KSR2: variants seen among roughly 807,000 people sequenced by gnomAD.
KSR2 encodes kinase suppressor of ras 2.
A neutral mutation model predicts 107.8 loss-of-function variants in KSR2; 25 were observed. The observed-to-expected ratio is 0.23, with a 90% CI of 0.17 to 0.32. KSR2 has a LOEUF of 0.32. Ranked by LOEUF, KSR2 falls within the 10% of genes least tolerant of loss-of-function variation. KSR2 has a pLI of 1.00. For synonymous variants in KSR2, 480 were observed against 507.0 expected (o/e 0.95, Z 0.71); for missense variants, 887 against 1,268.9 (o/e 0.70, Z 4.57).
At chr12:117,935,236 G>C (rs1895805115) in intron 1 of KSR2, among the ~76,000 whole-genome samples, 1 of 151,856 alleles carries the variant, frequency 6.6e-6, no homozygotes, top group Admixed American at 6.6e-5. Flanking sequence ...CCTGGCTCGA[G>C]CAATCCTCCC....
intron 4 of KSR2, among the ~76,000 whole-genome samples, chr12:117,701,879 G>C (rs1886338010): frequency 6.6e-6 from 1 of 152,202 alleles, no homozygotes; most frequent in African/African-American, 2.4e-5. Context: ...GCATGGACCT[G>C]CTAACACCTT....
intron 12 of KSR2, among the ~76,000 whole-genome samples, chr12:117,528,586 A>G (rs1875388209): frequency 6.6e-6 from 1 of 152,194 alleles, no homozygotes; most frequent in African/African-American, 2.4e-5. Context: ...AAAGAAGGAG[A>G]AAGAAAGGTC....
At chr12:117,701,412 T>A (rs1886306937) in intron 4 of KSR2, among the ~76,000 whole-genome samples, 2 of 152,184 alleles carry the variant, frequency 1.3e-5, no homozygotes, top group Non-Finnish European at 2.9e-5. Context: ...TATAAAATCA[T>A]AAATCTGGTC....
intron 5 of KSR2, among the ~76,000 whole-genome samples, chr12:117,647,626 G>A (rs114668175): frequency 0.012 from 1,844 of 152,220 alleles, 45 homozygotes; most frequent in African/African-American, 0.042. Flanking sequence ...AATCATAGCT[G>A]GGAGAACAGG....
chr12:117,947,196 A>AAGG (rs1566094508), intron 1 of KSR2, among the ~76,000 whole-genome samples: 5 of 89,280 alleles, frequency 5.6e-5, no homozygotes, highest in African/African-American at 8.6e-5. Flanking sequence ...GAAAAGAAAG[A>AAGG]AAAGAAAGAA....
intron 1 of KSR2, among the ~76,000 whole-genome samples, chr12:117,912,416 T>A (rs993345295): frequency 6.6e-6 from 1 of 152,186 alleles, no homozygotes; most frequent in Non-Finnish European, 1.5e-5. Context: ...TTAAGACCAT[T>A]TGGAACTATA....
intron 9 of KSR2, among the ~76,000 whole-genome samples, chr12:117,544,658 T>C (rs1592977061): frequency 6.6e-6 from 1 of 152,324 alleles, no homozygotes; most frequent in East Asian, 1.9e-4. Context: ...TTTGTATTGA[T>C]TGTGTATTCT....
chr12:117,490,847 C>T (rs1029079301), intron 14 of KSR2, among the ~76,000 whole-genome samples: 1 of 152,132 alleles, frequency 6.6e-6, no homozygotes, highest in Non-Finnish European at 1.5e-5. Flanking sequence ...TATTGTGTAG[C>T]ACATGATGTT....
chr12:117,863,686 T>C (rs557154159), intron 1 of KSR2, among the ~76,000 whole-genome samples: 1 of 152,268 alleles, frequency 6.6e-6, no homozygotes, highest in Non-Finnish European at 1.5e-5. Context: ...CATACTGATC[T>C]CGCAGTTCTG....
chr12:117,525,877 A>G (rs370168460), intron 13 of KSR2, among the ~76,000 whole-genome samples: 2 of 152,184 alleles, frequency 1.3e-5, no homozygotes, highest in Non-Finnish European at 2.9e-5. Flanking sequence ...GGTAGGAGAC[A>G]TGAGAGTGAG....
At chr12:117,561,043 T>A (rs1878083021) in intron 7 of KSR2, among the ~76,000 whole-genome samples, 1 of 152,240 alleles carries the variant, frequency 6.6e-6, no homozygotes, top group African/African-American at 2.4e-5. Flanking sequence ...ACACCTTATA[T>A]TAATGGCAAA....
intron 14 of KSR2, among the ~76,000 whole-genome samples, chr12:117,497,518 A>G (rs1592929179): frequency 6.6e-6 from 1 of 152,112 alleles, no homozygotes; most frequent in Non-Finnish European, 1.5e-5. Context: ...TAGGATGACG[A>G]CCATCTTTAG....
At chr12:117,641,124 A>C (rs958603105) in intron 5 of KSR2, among the ~76,000 whole-genome samples, 4 of 152,040 alleles carry the variant, frequency 2.6e-5, no homozygotes, top group African/African-American at 7.2e-5. Context: ...TTGAGATGGA[A>C]TCTCACTCCG....
intron 1 of KSR2, among the ~76,000 whole-genome samples, chr12:117,883,216 C>A (rs1256134431): frequency 1.3e-5 from 2 of 152,208 alleles, no homozygotes; most frequent in Non-Finnish European, 2.9e-5. Context: ...AAGCCAATTA[C>A]ATCACATCAG....
At chr12:117,915,998 A>G (rs1441380267) in intron 1 of KSR2, among the ~76,000 whole-genome samples, 6 of 152,080 alleles carry the variant, frequency 3.9e-5, no homozygotes, top group Non-Finnish European at 7.4e-5. Context: ...CTTTTTTCCT[A>G]GCCCAATGCA....
intron 5 of KSR2, among the ~76,000 whole-genome samples, chr12:117,663,134 T>G (rs1884510863): frequency 6.6e-6 from 1 of 152,202 alleles, no homozygotes. Context: ...CCCTCCGTGA[T>G]GCAAGGGCAT....
chr12:117,676,134 C>A (rs902265773), intron 4 of KSR2, among the ~76,000 whole-genome samples: 1 of 152,170 alleles, frequency 6.6e-6, no homozygotes, highest in African/African-American at 2.4e-5. Context: ...GGAAAGGGAG[C>A]AGTTTGGAAA....
chr12:117,697,588 G>A (rs1244826637), intron 4 of KSR2, among the ~76,000 whole-genome samples: 1 of 151,764 alleles, frequency 6.6e-6, no homozygotes, highest in Non-Finnish European at 1.5e-5. Context: ...GAAAATACAA[G>A]AATTAGCCAG....
chr12:117,842,131 A>G lies in KSR2; in HGVS notation c.472+13297T>C, dbSNP rs1892512180. On this transcript the variant is annotated intron_variant, in intron 3 of 19. Transcript: ENST00000339824. This position sits in a 1 kb window ranked among gnomAD's most constrained non-coding sequence, Gnocchi z 4.2. ...CTGCCCCGGACTGGCTGAAGCAGGA[A>G]CTCTGGGAGTGGAACCCTCTGGGGG... is the stretch of plus-strand genomic sequence containing the variant. Among the ~76,000 whole-genome samples the G allele has an allele frequency of 6.6e-6, 1 of 152,176 alleles. No individual in the cohort carries two copies. Among genetic ancestry groups the G allele is most frequent in the Non-Finnish European group, 1.5e-5 (1 of 68,036 alleles).
Sources: gnomAD v4.1 joint callset for allele counts (sites outside exome capture counted in the v4.1 genomes callset) on GRCh38, gnomAD v4.1.1 for gene constraint, Gnocchi (gnomAD v3.1) non-coding constraint, MANE v1.5 for transcripts, NCBI Gene and HGNC (gene_info 2026-07-23, HGNC 2026-07-21) for gene names.